SUGCT: variants seen among roughly 807,000 people sequenced by gnomAD.
SUGCT encodes succinyl-CoA:glutarate-CoA transferase, also known as succinyl-CoA:glutarate CoA-transferase.
A neutral mutation model predicts 55.0 loss-of-function variants in SUGCT; 41 were observed. The ratio of observed to expected loss-of-function variants is 0.74; its 90% CI spans 0.58 to 0.97. The LOEUF (loss-of-function observed/expected upper bound fraction) is 0.97. Among genes scored for constraint, SUGCT ranks in the 50% least tolerant of loss-of-function variants. The pLI is 0.00. For synonymous variants in SUGCT, 187 were observed against 200.4 expected (o/e 0.93, Z 0.56); for missense variants, 568 against 547.8 (o/e 1.04, Z -0.37).
At chr7:41,014,002 T>C in the SUGCT span, among the ~76,000 whole-genome samples, 2,145 of 152,226 alleles carry the variant, frequency 0.014, 45 homozygotes, top group African/African-American at 0.048. Context: ...TTGACTTAAT[T>C]TGGTGACAGT....
chr7:40,989,912 T>C, the SUGCT span, among the ~76,000 whole-genome samples: 1 of 152,252 alleles, frequency 6.6e-6, no homozygotes, highest in African/African-American at 2.4e-5. Flanking sequence ...GTGGTTACTT[T>C]CTCTGCTGAA....
intron 12 of SUGCT, among the ~76,000 whole-genome samples, chr7:40,626,238 T>A (rs1799520303): frequency 6.6e-6 from 1 of 152,034 alleles, no homozygotes. Flanking sequence ...AAAGAGACTT[T>A]CTTTCTTTTT....
intron 7 of SUGCT, among the ~76,000 whole-genome samples, chr7:40,267,288 A>G (rs1006748656): frequency 3.3e-5 from 5 of 152,200 alleles, no homozygotes; most frequent in African/African-American, 1.2e-4. Context: ...AAAGGGTTAC[A>G]TTAATTCATT....
chr7:40,548,407 A>G (rs1464487353), intron 12 of SUGCT, among the ~76,000 whole-genome samples: 1 of 151,998 alleles, frequency 6.6e-6, no homozygotes, highest in Non-Finnish European at 1.5e-5. Context: ...TTTGTTGCTT[A>G]AGTGCATCTT....
intron 12 of SUGCT, among the ~76,000 whole-genome samples, chr7:40,695,940 G>GA (rs1784915741): frequency 6.6e-6 from 1 of 152,166 alleles, no homozygotes; most frequent in Non-Finnish European, 1.5e-5. Flanking sequence ...GAGGTCTGGA[G>GA]AGGTTGAGTA....
chr7:40,183,797 G>T lies in SUGCT; in HGVS notation c.226+1769G>T, dbSNP rs1334398714. ...TGTTCACCAAATAGATATATTCTGTGTACACATTTCTCACTTTTGTTTGGT... is the reference window on the plus strand; with the variant it reads ...TGTTCACCAAATAGATATATTCTGTTTACACATTTCTCACTTTTGTTTGGT... On this transcript the variant is annotated intron_variant, in intron 3 of 13. Coordinates refer to ENST00000335693, the MANE Select transcript of SUGCT (RefSeq NM_001193313.2). Among the ~76,000 whole-genome samples the T allele has an allele frequency of 2.0e-5, 3 of 152,164 alleles. No individual in the cohort carries two copies. In the East Asian group the frequency reaches 5.8e-4, roughly 29 times the overall value.
At position 40,280,326 on chromosome 7, in the gene SUGCT, A is replaced by G. The variant is rs529911075; in HGVS notation, c.720+5670A>G. Among the ~76,000 whole-genome samples, 3 of 152,328 alleles carry G rather than the reference A, an allele frequency of 2.0e-5. No homozygotes were observed. In the South Asian group the frequency reaches 6.2e-4, roughly 32 times the overall value. Reference sequence around the variant, plus strand: ...TCCAGTCAAGACAACTAACATCAGCATCTAAACAGTGTTCTTTAGATGATA... The same window carrying G: ...TCCAGTCAAGACAACTAACATCAGCGTCTAAACAGTGTTCTTTAGATGATA... On this transcript the variant is annotated intron_variant, in intron 8 of 13. Coordinates refer to ENST00000335693, the MANE Select transcript of SUGCT (RefSeq NM_001193313.2).
chr7:40,609,741 CAT>C (rs921290756), intron 12 of SUGCT, among the ~76,000 whole-genome samples: 10 of 152,168 alleles, frequency 6.6e-5, no homozygotes, highest in African/African-American at 1.4e-4. Flanking sequence ...CGATCCAGCA[CAT>C]GTTTACTGAC....
At chr7:40,190,661 C>G (rs1002519601) in intron 5 of SUGCT, among the ~76,000 whole-genome samples, 1 of 146,392 alleles carries the variant, frequency 6.8e-6, no homozygotes, top group Non-Finnish European at 1.5e-5. Context: ...TATTATTATT[C>G]CTATGTTCCT....
intron 7 of SUGCT, among the ~76,000 whole-genome samples, chr7:40,242,635 A>G (rs1482304633): frequency 2.0e-5 from 3 of 151,480 alleles, no homozygotes; most frequent in Non-Finnish European, 4.4e-5. Context: ...TTGTATTTGC[A>G]CCTTGCTTCT....
chr7:40,928,303 A>G, the SUGCT span, among the ~76,000 whole-genome samples: 1 of 151,980 alleles, frequency 6.6e-6, no homozygotes, highest in African/African-American at 2.4e-5. Flanking sequence ...GAACTTCTCA[A>G]TCTATTTAGC....
At chr7:40,256,080 T>C (rs1156515070) in intron 7 of SUGCT, among the ~76,000 whole-genome samples, 1 of 152,246 alleles carries the variant, frequency 6.6e-6, no homozygotes, top group Non-Finnish European at 1.5e-5. Flanking sequence ...TCTAAATTTC[T>C]TTAAATTTTA....
At chr7:40,315,212 G>A (rs934062115) in intron 8 of SUGCT, among the ~76,000 whole-genome samples, 35 of 152,210 alleles carry the variant, frequency 2.3e-4, no homozygotes, top group Admixed American at 2.2e-3. Flanking sequence ...CCACAGTCAT[G>A]GAACTATTTA....
intron 9 of SUGCT, among the ~76,000 whole-genome samples, chr7:40,387,097 G>T (rs949855865): frequency 6.6e-6 from 1 of 152,150 alleles, no homozygotes; most frequent in African/African-American, 2.4e-5. Flanking sequence ...GCAAGACCTG[G>T]CTCTCTTCTC....
At chr7:40,162,190 CCGGCCGT>C (rs1562805641) in intron 1 of SUGCT, among the ~76,000 whole-genome samples, 1 of 152,098 alleles carries the variant, frequency 6.6e-6, no homozygotes, top group Non-Finnish European at 1.5e-5. Context: ...GCTACCGCGC[CCGGCCGT>C]GAAGTGATTT....
the SUGCT span, among the ~76,000 whole-genome samples, chr7:40,878,855 G>A: frequency 1.3e-4 from 20 of 150,814 alleles, no homozygotes; most frequent in Non-Finnish European, 1.8e-4. Flanking sequence ...ATGCAGTGGC[G>A]CAATATTGGC....
intron 8 of SUGCT, among the ~76,000 whole-genome samples, chr7:40,280,893 C>T (rs1792907042): frequency 6.6e-6 from 1 of 152,026 alleles, no homozygotes; most frequent in Non-Finnish European, 1.5e-5. Context: ...GCGGGTCTTG[C>T]CGATGAGGCT....
intron 6 of SUGCT, among the ~76,000 whole-genome samples, chr7:40,226,462 T>A (rs1222591391): frequency 6.6e-6 from 1 of 152,190 alleles, no homozygotes. Flanking sequence ...ACAAGGGTAC[T>A]GTCTGCAAAA....
intron 13 of SUGCT, among the ~76,000 whole-genome samples, chr7:40,757,447 C>G (rs183040607): frequency 6.6e-6 from 1 of 152,274 alleles, no homozygotes; most frequent in East Asian, 1.9e-4. Flanking sequence ...TGCAACATAT[C>G]CTCATCAACG....
Sources: allele counts gnomAD v4.1 joint callset (sites outside exome capture counted in the v4.1 genomes callset), GRCh38; gene constraint gnomAD v4.1.1; transcripts MANE v1.5; gene names NCBI Gene and HGNC (gene_info 2026-07-23, HGNC 2026-07-21).